Variants in DNAH9 observed in about 807,000 individuals in gnomAD.
DNAH9 encodes the protein dynein axonemal heavy chain 9, also known as DNAH9 variant protein.
DNAH9 carries 345 observed loss-of-function variants against 471.6 expected under a neutral mutation model. The observed-to-expected ratio is 0.73, with a 90% CI of 0.67 to 0.80. The LOEUF (loss-of-function observed/expected upper bound fraction) is 0.80. Ranked by LOEUF, DNAH9 falls within the 30% of genes least tolerant of loss-of-function variation. DNAH9 has a pLI of 0.00. For missense variants in DNAH9, 5,407 were observed against 5,609.2 expected (o/e 0.96, Z 1.15); for synonymous variants, 2,093 against 2,123.6 (o/e 0.99, Z 0.40).
At chr17:11,794,185 C>T (rs545455880) in intron 42 of DNAH9, among the ~76,000 whole-genome samples, 30 of 151,908 alleles carry the variant, frequency 2.0e-4, no homozygotes, top group African/African-American at 6.8e-4. Flanking sequence ...GCTGGGACTA[C>T]AGGCACCCGC....
chr17:11,647,039 T>C (rs2073407689), intron 11 of DNAH9, 33 bp from the exon 12 acceptor site: 1 of 1,610,874 alleles, frequency 6.2e-7, no homozygotes, highest in Admixed American at 1.7e-5. Flanking sequence ...GGGAGGGGGC[T>C]TATGAGGTGG....
In DNAH9 at chr17:11,626,440, C is replaced by G. The variant is rs2072971883; in HGVS notation, c.1351-2977C>G. On this transcript the variant is annotated intron_variant, in intron 6 of 68. Coordinates refer to ENST00000262442, the MANE Select transcript of DNAH9 (RefSeq NM_001372.4). The surrounding 1 kb of genome is among the most constrained non-coding windows in gnomAD (Gnocchi z 4.3). ...TTGTAAGACAATTTCCTAGCTGCTT[C>G]AGAAATCTTTTCTGCTATGCCTCCA... Among the ~76,000 whole-genome samples, 2 of 152,186 alleles carry G rather than the reference C, an allele frequency of 1.3e-5. No individual in the cohort carries two copies. Among genetic ancestry groups the G allele is most frequent in the Admixed American group, 1.3e-4 (2 of 15,282 alleles).
intron 26 of DNAH9, among the ~76,000 whole-genome samples, chr17:11,708,006 CACACACACAGAGAGAGAGAGAGAGAG>C (rs1374337703): frequency 0.025 from 1,198 of 47,954 alleles, 17 homozygotes; most frequent in African/African-American, 0.059. Context: ...CACACACACA[CACACACACAGAGAGAGAGAGAGAGAG>C]AGAGAGAGAG....
At chr17:11,939,230 T>G (rs370096364) in intron 66 of DNAH9, among the ~76,000 whole-genome samples, 25 of 152,180 alleles carry the variant, frequency 1.6e-4, no homozygotes, top group African/African-American at 6.0e-4. Flanking sequence ...ATTTGATGTA[T>G]AATTTGAAAA....
chr17:11,605,907 A>G (rs1457451487), intron 1 of DNAH9, among the ~76,000 whole-genome samples: 5 of 152,188 alleles, frequency 3.3e-5, no homozygotes, highest in Non-Finnish European at 7.3e-5. Context: ...CAGACAGTGT[A>G]CATTCAGTTA....
intron 38 of DNAH9, among the ~76,000 whole-genome samples, chr17:11,778,761 C>T (rs964747654): frequency 3.9e-5 from 6 of 152,026 alleles, no homozygotes; most frequent in African/African-American, 1.4e-4. Flanking sequence ...AATCCCAGCA[C>T]TTTGGGAGGC....
rs1418446227 is a variant in DNAH9, at chr17:11,939,206, C to CA, written c.12660+1685dup. Among the ~76,000 whole-genome samples, 3 of 152,220 alleles carry CA rather than the reference C, an allele frequency of 2.0e-5. No homozygotes were observed. The East Asian group carries it at 5.8e-4, about 29-fold the overall frequency. On this transcript the variant is annotated intron_variant, in intron 66 of 68. Coordinates refer to ENST00000262442, the MANE Select transcript of DNAH9 (RefSeq NM_001372.4). ...GAAAGCTGCTCCATATCACTCTACT[C>CA]AGTCTATTCCACTATTTGATGTATA...
intron 50 of DNAH9, among the ~76,000 whole-genome samples, chr17:11,858,176 A>G (rs543554474): frequency 9.8e-5 from 15 of 152,324 alleles, no homozygotes; most frequent in Admixed American, 2.6e-4. Context: ...TAAAAATAAT[A>G]GTAAGAACAA....
chr17:11,624,761 C>G (rs1160143354), intron 6 of DNAH9, among the ~76,000 whole-genome samples: 1 of 152,012 alleles, frequency 6.6e-6, no homozygotes, highest in Non-Finnish European at 1.5e-5. Context: ...TTCTTTCCTC[C>G]CACTTTCCTG....
chr17:11,705,076 G>A lies in DNAH9; in HGVS notation c.5443G>A (p.Asp1815Asn). Residue 1815 changes from aspartate (D) to asparagine (N), a missense_variant, in exon 26 of 69, where the codon GAT (aspartate) becomes AAT (asparagine). Transcript: ENST00000262442. Reference sequence around the variant, plus strand: ...GCTGTCTCAGCTGCGCCATCGTTGGGATGACGAGGTCAAACACTGCTTTGC... The same window carrying A: ...GCTGTCTCAGCTGCGCCATCGTTGGAATGACGAGGTCAAACACTGCTTTGC... Reference protein sequence around the residue: ...LWLSQLRHRWDDEVKHCFANI... With the variant: ...LWLSQLRHRWNDEVKHCFANI... 1 of 1,614,178 alleles carries A rather than the reference G, an allele frequency of 6.2e-7. No homozygotes were observed. The highest frequency in any genetic ancestry group is 8.5e-7 in the Non-Finnish European group (1 of 1,179,994).
Position 11,617,632 on chromosome 17 carries a change from C to G in DNAH9, c.1116+10C>G, listed in dbSNP as rs2072773768. 1 of 1,608,670 alleles carries G rather than the reference C, an allele frequency of 6.2e-7. No homozygotes were observed. Among genetic ancestry groups the G allele is most frequent in the Non-Finnish European group, 8.5e-7 (1 of 1,175,722 alleles). ...CCTTCTCATCCAGCAGGTGGGCTGC[C>G]CTGGGATGCCCAGCAACTGCTCCCT... On this transcript the variant is annotated intron_variant, in intron 5 of 68. Coordinates refer to ENST00000262442, the MANE Select transcript of DNAH9 (RefSeq NM_001372.4).
intron 8 of DNAH9, among the ~76,000 whole-genome samples, chr17:11,634,776 C>T (rs937100734): frequency 1.3e-5 from 2 of 152,094 alleles, no homozygotes; most frequent in Non-Finnish European, 2.9e-5. Flanking sequence ...GGCCAAGGAC[C>T]CCATATTTGG....
intron 26 of DNAH9, among the ~76,000 whole-genome samples, chr17:11,705,790 C>T (rs2074689342): frequency 1.3e-5 from 2 of 151,958 alleles, no homozygotes; most frequent in South Asian, 2.1e-4. Flanking sequence ...ACTCAAATAC[C>T]CTGACTTGAT....
chr17:11,661,331 G>A (rs1236823839), intron 14 of DNAH9, among the ~76,000 whole-genome samples: 2 of 151,614 alleles, frequency 1.3e-5, no homozygotes, highest in African/African-American at 4.8e-5. Flanking sequence ...GAAATTTCTT[G>A]TCTTAATAGT....
intron 45 of DNAH9, 63 bp downstream of exon 45, chr17:11,810,432 G>A (rs1041224770): frequency 1.9e-6 from 3 of 1,560,280 alleles, no homozygotes; most frequent in African/African-American, 1.4e-5. Context: ...GTTATACAAA[G>A]GTGAAGATTT....
chr17:11,899,217 G>A (rs997877549), intron 59 of DNAH9, among the ~76,000 whole-genome samples: 4 of 151,880 alleles, frequency 2.6e-5, no homozygotes, highest in African/African-American at 9.7e-5. Flanking sequence ...ATCTCGTGAT[G>A]AAGACTGATT....
intron 67 of DNAH9, among the ~76,000 whole-genome samples, chr17:11,957,935 T>G (rs953792409): frequency 3.3e-5 from 5 of 152,338 alleles, no homozygotes; most frequent in African/African-American, 1.2e-4. Flanking sequence ...ATCGTAAGTT[T>G]AATTTTTTAA....
At chr17:11,893,395 A>G (rs1054389863) in intron 58 of DNAH9, among the ~76,000 whole-genome samples, 7 of 151,852 alleles carry the variant, frequency 4.6e-5, no homozygotes, top group Admixed American at 3.3e-4. Flanking sequence ...TATAGGAAAG[A>G]CACATACACA....
At chr17:11,882,221 G>A (rs906533088) in intron 55 of DNAH9, among the ~76,000 whole-genome samples, 1 of 152,154 alleles carries the variant, frequency 6.6e-6, no homozygotes, top group African/African-American at 2.4e-5. Context: ...GGAGGCAGCG[G>A]CCTTCTCACT....
Sources: gnomAD v4.1 joint callset for allele counts (sites outside exome capture counted in the v4.1 genomes callset) on GRCh38, gnomAD v4.1.1 for gene constraint, Gnocchi (gnomAD v3.1) non-coding constraint, MANE v1.5 for transcripts, NCBI Gene and HGNC (gene_info 2026-07-23, HGNC 2026-07-21) for gene names.